Variants in DMD observed in about 807,000 individuals in gnomAD.
DMD encodes mutant dystrophin.
Under a neutral mutation model 330.1 loss-of-function variants are expected in DMD, and 63 were observed. The observed-to-expected ratio is 0.19, with a 90% CI of 0.16 to 0.24. DMD has a LOEUF of 0.24. DMD is among the 10% of genes least tolerant of loss of function. DMD has a pLI of 1.00. For missense variants in DMD, 3,344 were observed against 2,684.1 expected (o/e 1.25, Z -5.43); for synonymous variants, 1,223 against 959.8 (o/e 1.27, Z -5.07).
intron 4 of DMD, among the ~76,000 whole-genome samples, chrX:32,824,022 G>A (rs898699649): frequency 1.8e-5 from 2 of 111,865 alleles, no homozygotes; most frequent in Admixed American, 1.9e-4. Context: ...AATGTTTTTA[G>A]CCAATAGAGG....
intron 59 of DMD, among the ~76,000 whole-genome samples, chrX:31,472,212 A>G (rs893285215): frequency 1.7e-4 from 19 of 112,337 alleles, no homozygotes; most frequent in African/African-American, 5.8e-4. Flanking sequence ...TCACAAGTTT[A>G]TTCAGAGTTG....
intron 11 of DMD, among the ~76,000 whole-genome samples, chrX:32,622,841 C>T (rs962238347): frequency 9.0e-6 from 1 of 111,695 alleles, no homozygotes. Flanking sequence ...TTTAAATTCA[C>T]GGGGTTGGGT....
At position 32,491,426 on chromosome X, in the gene DMD, A is replaced by C. The variant is rs769988372; in HGVS notation, c.2473T>G (p.Trp825Gly). The stretch of plus-strand genomic sequence containing the variant: ...ATGATGTTGTTCTGATACTCCAGCC[A>C]GTTAAGTCTCTCACTTAGCAACTGG... ...FCQLLSERLNWLEYQNNIIAF... is the reference protein window; with the variant it reads ...FCQLLSERLNGLEYQNNIIAF... Residue 825 changes from tryptophan (W) to glycine (G), a missense_variant, in exon 20 of 79, where the codon TGG becomes GGG. Trp to Gly is a radical substitution (Grantham distance 184). Transcript: ENST00000357033. The C allele has an allele frequency of 1.4e-5, 17 of 1,210,046 alleles. No homozygotes were observed. The East Asian group carries it at 4.4e-4, about 32-fold the overall frequency.
chrX:32,500,582 TAAC>T (rs1407094272), intron 19 of DMD, among the ~76,000 whole-genome samples: 3 of 111,827 alleles, frequency 2.7e-5, no homozygotes, highest in Admixed American at 9.5e-5. Context: ...GGAACTTACA[TAAC>T]AACTAGGAGA....
chrX:32,630,240 T>A (rs1248976857), intron 11 of DMD, among the ~76,000 whole-genome samples: 1 of 111,791 alleles, frequency 8.9e-6, no homozygotes, highest in Non-Finnish European at 1.9e-5. Flanking sequence ...TTCAGCACTT[T>A]AAATGTATCA....
intron 2 of DMD, among the ~76,000 whole-genome samples, chrX:32,937,940 G>A (rs1157117009): frequency 9.0e-6 from 1 of 111,097 alleles, no homozygotes; most frequent in African/African-American, 3.3e-5. Context: ...GCTTATCTGA[G>A]GCCCCAGAAC....
At position 31,501,632 on chromosome X, in the gene DMD, T is replaced by C. The variant is rs1238839325; in HGVS notation, c.8391-4688A>G. Among the ~76,000 whole-genome samples, 3 of 112,003 alleles carry C rather than the reference T, an allele frequency of 2.7e-5. No individual in the cohort carries two copies. In the Admixed American group the frequency reaches 2.9e-4, roughly 11 times the overall value. ...CTCAGTGTCAGGACACTAAGAATTA[T>C]AGGGGCTGATAAAGTGATTGTTATT... On this transcript the variant is annotated intron_variant, in intron 56 of 78. Transcript: ENST00000357033.
rs748856962 is a variant in DMD at position 33,048,694 on chromosome X, TAAAA to T, written c.32-28498_32-28495del. 9.9e-3 allele frequency among the ~76,000 whole-genome samples: 351 copies of T among 35,607 alleles called. 5 individuals carry two copies. Among genetic ancestry groups the T allele is most frequent in the East Asian group, 0.029 (39 of 1,368 alleles). The allele number at this position is 35,607 out of a possible 115,157, so 30.9% of individuals were successfully genotyped here. A position where few individuals can be genotyped will look rare whatever the true frequency, so the allele number is the denominator to read the frequency against. ...GGCTGACAGAGCGAGACTCCCCATCTAAAAAAAAAAAAAAAAAAAAAAAAGGAGA... is the reference window on the plus strand; with the variant it reads ...GGCTGACAGAGCGAGACTCCCCATCTAAAAAAAAAAAAAAAAAAAAGGAGA... On this transcript the variant is annotated intron_variant, in intron 1 of 78. Transcript: ENST00000357033.
At chrX:32,530,936 G>T (rs2047418169) in intron 17 of DMD, among the ~76,000 whole-genome samples, 1 of 111,548 alleles carries the variant, frequency 9.0e-6, no homozygotes, top group Non-Finnish European at 1.9e-5. Context: ...CAAATGTAAA[G>T]TTTATTTAAA....
At chrX:32,863,504 C>T (rs1369706563) in intron 2 of DMD, among the ~76,000 whole-genome samples, 1 of 61,604 alleles carries the variant, frequency 1.6e-5, no homozygotes, top group Non-Finnish European at 2.5e-5. Flanking sequence ...AGTGAGACTC[C>T]GTCTCAAAAA....
intron 61 of DMD, among the ~76,000 whole-genome samples, chrX:31,342,242 T>A (rs980236463): frequency 2.7e-5 from 3 of 111,732 alleles, no homozygotes; most frequent in African/African-American, 9.8e-5. Context: ...TAAATACTCA[T>A]TTTCTTTTTA....
intron 1 of DMD, among the ~76,000 whole-genome samples, chrX:33,298,875 C>T (rs1603429452): frequency 9.0e-6 from 1 of 111,518 alleles, no homozygotes; most frequent in Admixed American, 9.6e-5. Flanking sequence ...TTCATTGATC[C>T]GGCATGTCAC....
At chrX:31,435,062 C>G (rs924793186) in intron 60 of DMD, among the ~76,000 whole-genome samples, 12 of 111,605 alleles carry the variant, frequency 1.1e-4, no homozygotes, top group African/African-American at 2.9e-4. Context: ...CAAATCCTGG[C>G]TCTCTCACTT....
intron 15 of DMD, among the ~76,000 whole-genome samples, chrX:32,568,762 C>T (rs1008293113): frequency 2.7e-5 from 3 of 110,462 alleles, no homozygotes; most frequent in Non-Finnish European, 5.7e-5. Context: ...AGAACTCCCC[C>T]AGGATTATTA....
intron 2 of DMD, among the ~76,000 whole-genome samples, chrX:32,913,522 C>T (rs1183888776): frequency 8.9e-6 from 1 of 111,886 alleles, no homozygotes; most frequent in African/African-American, 3.3e-5. Context: ...TAGCAGTGGG[C>T]TAGAGCTACA....
intron 44 of DMD, among the ~76,000 whole-genome samples, chrX:32,085,467 T>C (rs756078761): frequency 1.0e-4 from 11 of 108,076 alleles, no homozygotes; most frequent in Non-Finnish European, 3.8e-5. Context: ...CTCCAATGCT[T>C]ATCACTACAC....
Position 33,025,798 on chromosome X carries a change from A to G in DMD, c.32-5598T>C, listed in dbSNP as rs184656491. 2.1e-3 allele frequency among the ~76,000 whole-genome samples: 238 copies of G among 111,555 alleles called. 1 individual carries two copies. Among genetic ancestry groups the G allele is most frequent in the Non-Finnish European group, 3.3e-3 (177 of 53,072 alleles). On this transcript the variant is annotated intron_variant, in intron 1 of 78. Transcript: ENST00000357033. ...GGTCTCAAACTCCTGGACTCCATCA[A>G]TCCTTCTGTCTCAGCCTCCCAAAGT...
chrX:32,119,264 G>A (rs759730497), intron 44 of DMD, among the ~76,000 whole-genome samples: 47 of 106,820 alleles, frequency 4.4e-4, no homozygotes, highest in African/African-American at 1.5e-3. Context: ...AACCTGGGAC[G>A]CGGAGGTTTC....
At chrX:32,661,656 G>C (rs73453036) in intron 9 of DMD, among the ~76,000 whole-genome samples, 4 of 111,422 alleles carry the variant, frequency 3.6e-5, no homozygotes, top group Non-Finnish European at 7.6e-5. Context: ...TCACAGAATT[G>C]TGGATAGATT....
Sources: allele counts gnomAD v4.1 joint callset (sites outside exome capture counted in the v4.1 genomes callset), GRCh38; gene constraint gnomAD v4.1.1; transcripts MANE v1.5; gene names NCBI Gene and HGNC (gene_info 2026-07-23, HGNC 2026-07-21).